The following CRTC3 variants were observed in gnomAD, a reference collection of about 807,000 sequenced individuals.
CRTC3 encodes the protein CREB regulated transcription coactivator 3.
In CRTC3, 26 loss-of-function variants were observed where a neutral mutation model predicts 74.5. The observed-to-expected ratio is 0.35, with a 90% CI of 0.26 to 0.48. CRTC3 has a LOEUF of 0.48. CRTC3 is among the 20% of genes least tolerant of loss of function. The probability of loss-of-function intolerance (pLI) is 0.99; values close to 1 mark genes in which losing one functional copy is unlikely to be tolerated. For missense variants in CRTC3, 760 were observed against 787.3 expected (o/e 0.97, Z 0.41); for synonymous variants, 377 against 325.8 (o/e 1.16, Z -1.69).
chr15:90,603,725 G>A (rs1284972491), intron 4 of CRTC3, among the ~76,000 whole-genome samples: 1 of 152,160 alleles, frequency 6.6e-6, no homozygotes, highest in African/African-American at 2.4e-5. Flanking sequence ...CCGGATTGAA[G>A]TCTACTCTCC....
At chr15:90,551,443 A>T (rs559069176) in intron 2 of CRTC3, among the ~76,000 whole-genome samples, 1 of 152,186 alleles carries the variant, frequency 6.6e-6, no homozygotes, top group Non-Finnish European at 1.5e-5. Context: ...GATTAAATAC[A>T]ATTAAAAATT....
intron 7 of CRTC3, among the ~76,000 whole-genome samples, chr15:90,614,795 G>A (rs1968446222): frequency 6.6e-6 from 1 of 152,188 alleles, no homozygotes; most frequent in African/African-American, 2.4e-5. Flanking sequence ...CTGGCACAGT[G>A]GCTCATGCCT....
In CRTC3 at chr15:90,566,089, G is replaced by A. The variant is rs909498959; in HGVS notation, c.231+25952G>A. Among the ~76,000 whole-genome samples, 4 of 152,334 alleles carry A rather than the reference G, an allele frequency of 2.6e-5. No homozygotes were observed. The East Asian group carries it at 7.7e-4, about 29-fold the overall frequency. On this transcript the variant is annotated intron_variant, in intron 2 of 14. Transcript: ENST00000268184. ...AGCCTTATTTGCTCATAAGGAGAAAGTTTAAGTGGTCTGGATAGATCAAAC... is the reference window on the plus strand; with the variant it reads ...AGCCTTATTTGCTCATAAGGAGAAAATTTAAGTGGTCTGGATAGATCAAAC...
At chr15:90,635,733 G>C (rs1403527915) in intron 11 of CRTC3, among the ~76,000 whole-genome samples, 1 of 151,448 alleles carries the variant, frequency 6.6e-6, no homozygotes, top group African/African-American at 2.4e-5. Flanking sequence ...GTCGCACCTC[G>C]GCATATCAGG....
At chr15:90,635,053 G>A (rs1418743573) in intron 11 of CRTC3, 1 of 912,164 alleles carries the variant, frequency 1.1e-6, no homozygotes, top group African/African-American at 1.6e-5. Context: ...CTACTGAAAT[G>A]GCATCAGTGT....
At chr15:90,636,303 G>C (rs953769942) in intron 11 of CRTC3, among the ~76,000 whole-genome samples, 2 of 151,008 alleles carry the variant, frequency 1.3e-5, no homozygotes, top group African/African-American at 4.9e-5. Context: ...ACAAGAAATG[G>C]GGAAAGGATT....
intron 2 of CRTC3, among the ~76,000 whole-genome samples, chr15:90,545,153 C>T (rs973874689): frequency 1.3e-5 from 2 of 152,110 alleles, no homozygotes; most frequent in Admixed American, 6.5e-5. Flanking sequence ...AGGGTTCACC[C>T]GTGTTATAGT....
chr15:90,556,395 C>T (rs972737358), intron 2 of CRTC3, among the ~76,000 whole-genome samples: 1 of 152,138 alleles, frequency 6.6e-6, no homozygotes, highest in African/African-American at 2.4e-5. Flanking sequence ...TTTACCTTAG[C>T]AAAACTTCTG....
intron 11 of CRTC3, among the ~76,000 whole-genome samples, 168 bp downstream of exon 11, chr15:90,629,700 T>A (rs1309996446): frequency 6.6e-6 from 1 of 152,196 alleles, no homozygotes; most frequent in African/African-American, 2.4e-5. Flanking sequence ...AGCAGAAGTG[T>A]CAATAATGCA....
rs531706197 is a variant in CRTC3 at position 90,645,158 on chromosome 15, T to C, written c.*3018T>C. ...TTATGCACAGATGGTTCCCAGCATG[T>C]GTCCAGTGCTTCATGGATGGGACCA... On this transcript the variant is annotated 3_prime_UTR_variant, in exon 15 of 15. Coordinates refer to ENST00000268184, the MANE Select transcript of CRTC3 (RefSeq NM_022769.5). 2.5e-4 allele frequency: 57 copies of C among 229,854 alleles called. 1 individual carries two copies. The highest frequency in any genetic ancestry group is 1.2e-3 in the African/African-American group (55 of 45,250). The allele number at this position is 229,854 out of a possible 1,614,324, so 14.2% of individuals were successfully genotyped here. A position where few individuals can be genotyped will look rare whatever the true frequency, so the allele number is the denominator to read the frequency against.
chr15:90,642,941 T>C lies in CRTC3; in HGVS notation c.*801T>C, dbSNP rs1406498619. On this transcript the variant is annotated 3_prime_UTR_variant, in exon 15 of 15. Transcript: ENST00000268184. ...TGCAGGTGTCTCATACTCAGTGGCCTCCAGACAAACTCCAGACAAGCACAG... is the reference window on the plus strand; with the variant it reads ...TGCAGGTGTCTCATACTCAGTGGCCCCCAGACAAACTCCAGACAAGCACAG... The C allele has an allele frequency of 1.7e-5, 4 of 232,822 alleles. No individual in the cohort carries two copies. Among genetic ancestry groups the C allele is most frequent in the Non-Finnish European group, 2.5e-5 (3 of 117,934 alleles). The allele number at this position is 232,822 out of a possible 1,614,324, so 14.4% of individuals were successfully genotyped here.
chr15:90,634,074 T>TA (rs1555453975), intron 11 of CRTC3, among the ~76,000 whole-genome samples: 1 of 151,990 alleles, frequency 6.6e-6, no homozygotes, highest in Non-Finnish European at 1.5e-5. Flanking sequence ...GAGAACATAA[T>TA]ACAATAAGTC....
At position 90,588,371 on chromosome 15, in the gene CRTC3, C is replaced by G. The variant is rs145747695; in HGVS notation, c.232-5265C>G. Reference sequence around the variant, plus strand: ...TAGTAACAATCCAAAAACTCAGACTCTCAACAAACATTTATTTTTCACTCA... The same window carrying G: ...TAGTAACAATCCAAAAACTCAGACTGTCAACAAACATTTATTTTTCACTCA... On this transcript the variant is annotated intron_variant, in intron 2 of 14. Transcript: ENST00000268184. Among the ~76,000 whole-genome samples, 76 of 152,248 alleles carry G rather than the reference C, an allele frequency of 5.0e-4. 1 individual carries two copies. Among genetic ancestry groups the G allele is most frequent in the African/African-American group, 1.8e-3 (73 of 41,552 alleles).
chr15:90,584,661 T>C (rs1220522488), intron 2 of CRTC3, among the ~76,000 whole-genome samples: 2 of 151,992 alleles, frequency 1.3e-5, no homozygotes, highest in African/African-American at 2.4e-5. Context: ...AGAAGTAAAC[T>C]AAAGAAGAAC....
At chr15:90,531,825 G>A (rs1966631997) in intron 1 of CRTC3, among the ~76,000 whole-genome samples, 1 of 152,084 alleles carries the variant, frequency 6.6e-6, no homozygotes, top group South Asian at 2.1e-4. Context: ...GTATACCTAT[G>A]GCGGATCCAA....
At chr15:90,543,108 C>T (rs1382167715) in intron 2 of CRTC3, among the ~76,000 whole-genome samples, 1 of 132,384 alleles carries the variant, frequency 7.6e-6, no homozygotes, top group Admixed American at 8.2e-5. Context: ...CCAGCCTGGG[C>T]AACATGGAGA....
intron 9 of CRTC3, among the ~76,000 whole-genome samples, chr15:90,623,477 G>A (rs1265348922): frequency 1.3e-5 from 2 of 152,056 alleles, no homozygotes; most frequent in African/African-American, 4.8e-5. Context: ...CTCAGTGAGG[G>A]GCTCCACCAG....
intron 2 of CRTC3, among the ~76,000 whole-genome samples, chr15:90,590,002 G>A (rs1256535988): frequency 6.6e-6 from 1 of 151,102 alleles, no homozygotes; most frequent in Non-Finnish European, 1.5e-5. Context: ...AAAAAATTAA[G>A]TAAATAGGCT....
chr15:90,633,853 C>G (rs77574247), intron 11 of CRTC3, among the ~76,000 whole-genome samples: 3,336 of 152,014 alleles, frequency 0.022, 121 homozygotes, highest in African/African-American at 0.075. Context: ...TCAGCTTTAT[C>G]TTCCAACACT....
Sources: allele counts gnomAD v4.1 joint callset (sites outside exome capture counted in the v4.1 genomes callset), GRCh38; gene constraint gnomAD v4.1.1; transcripts MANE v1.5; gene names NCBI Gene and HGNC (gene_info 2026-07-23, HGNC 2026-07-21).